Variants in IGF1R observed in about 807,000 individuals in gnomAD.
IGF1R encodes insulin-like growth factor 1 receptor.
IGF1R carries 44 observed loss-of-function variants against 144.6 expected under a neutral mutation model. The ratio of observed to expected loss-of-function variants is 0.30; its 90% CI spans 0.24 to 0.39. The LOEUF (loss-of-function observed/expected upper bound fraction) is 0.39, where lower values mean the gene tolerates loss of function less well. Among genes scored for constraint, IGF1R ranks in the 10% least tolerant of loss-of-function variants. The probability of loss-of-function intolerance (pLI) is 1.00; values close to 1 mark genes in which losing one functional copy is unlikely to be tolerated. For missense variants in IGF1R, 1,355 were observed against 1,833.7 expected, an observed-to-expected ratio of 0.74 and a Z score of 4.77; for synonymous variants, 795 against 722.8, an observed-to-expected ratio of 1.10 and a Z score of -1.60.
At chr15:98,819,425 T>C (rs2056762182) in intron 2 of IGF1R, among the ~76,000 whole-genome samples, 1 of 152,158 alleles carries the variant, frequency 6.6e-6, no homozygotes, top group African/African-American at 2.4e-5. Context: ...GTGGGGGACC[T>C]TTATGAATGA....
At chr15:98,886,886 G>A (rs1444825576) in intron 2 of IGF1R, among the ~76,000 whole-genome samples, 2 of 152,138 alleles carry the variant, frequency 1.3e-5, no homozygotes, top group African/African-American at 4.8e-5. Flanking sequence ...TTCAGGTTGT[G>A]CTTCAGTGAG....
chr15:98,792,313 A>G (rs186728404), intron 2 of IGF1R, among the ~76,000 whole-genome samples: 20 of 152,326 alleles, frequency 1.3e-4, no homozygotes, highest in African/African-American at 4.3e-4. Context: ...ACACCCAAAT[A>G]CATAACCATT....
chr15:98,955,302 A>C (rs1387351887), intron 20 of IGF1R, among the ~76,000 whole-genome samples: 4 of 152,216 alleles, frequency 2.6e-5, no homozygotes, highest in South Asian at 2.1e-4. Context: ...CAAATCTAAG[A>C]AGCATACTGT....
chr15:98,750,210 C>T (rs1555439945), intron 2 of IGF1R, among the ~76,000 whole-genome samples: 1 of 152,136 alleles, frequency 6.6e-6, no homozygotes, highest in Non-Finnish European at 1.5e-5. Context: ...GGCCTCACAT[C>T]AGGTGACACT....
Position 98,707,651 on chromosome 15 carries a change from C to A in IGF1R, c.184C>A (p.Leu62Met). The A allele has an allele frequency of 6.2e-7, 1 of 1,614,192 alleles. No homozygotes were observed. The highest frequency in any genetic ancestry group is 8.5e-7 in the Non-Finnish European group (1 of 1,180,018). Residue 62 changes from leucine (L) to methionine (M), a missense_variant, in exon 2 of 21, where the codon CTG becomes ATG. Leu to Met is a conservative substitution (Grantham distance 15, BLOSUM62 2). Transcript: ENST00000650285. This position sits in a 1 kb window ranked among gnomAD's most constrained non-coding sequence, Gnocchi z 6.7. ...CTVIEGYLHI[L>M]LISKAEDYRS... ...GGTGATCGAGGGCTACCTCCACATC[C>A]TGCTCATCTCCAAGGCCGAGGACTA...
chr15:98,843,488 G>A (rs947288441), intron 2 of IGF1R, among the ~76,000 whole-genome samples: 8 of 152,058 alleles, frequency 5.3e-5, no homozygotes, highest in South Asian at 2.1e-4. Context: ...CACTGAAAAC[G>A]AAATTTCATA....
intron 2 of IGF1R, among the ~76,000 whole-genome samples, chr15:98,796,000 C>T (rs2056233245): frequency 6.6e-6 from 1 of 152,232 alleles, no homozygotes; most frequent in African/African-American, 2.4e-5. Flanking sequence ...TGGCGTGTTC[C>T]TCTGGAGTGT....
chr15:98,940,426 A>G (rs1394194486), intron 18 of IGF1R, among the ~76,000 whole-genome samples: 1 of 152,188 alleles, frequency 6.6e-6, no homozygotes. Context: ...TTTTTGAGAC[A>G]GAGTTTTGCT....
intron 2 of IGF1R, among the ~76,000 whole-genome samples, chr15:98,876,633 C>T (rs1181338785): frequency 6.6e-6 from 1 of 152,266 alleles, no homozygotes; most frequent in Admixed American, 6.5e-5. Flanking sequence ...GTAATCTTTG[C>T]GAGAACATTC....
chr15:98,754,735 A>G (rs1240281319), intron 2 of IGF1R, among the ~76,000 whole-genome samples: 2 of 152,232 alleles, frequency 1.3e-5, no homozygotes, highest in African/African-American at 4.8e-5. Context: ...ACTGATTTGC[A>G]GGTTAGGTGT....
At chr15:98,866,977 T>A (rs2012483999) in intron 2 of IGF1R, among the ~76,000 whole-genome samples, 1 of 152,220 alleles carries the variant, frequency 6.6e-6, no homozygotes, top group Non-Finnish European at 1.5e-5. Flanking sequence ...GCTACACTTT[T>A]TTAAATTCAT....
rs1187732464 is a variant in IGF1R at position 98,755,736 on chromosome 15, AAAAAAAAAAAAAAAAAAG to A, written c.640+47630_640+47647del. Among the ~76,000 whole-genome samples, 12 of 138,214 alleles carry A rather than the reference AAAAAAAAAAAAAAAAAAG, an allele frequency of 8.7e-5. 2 individuals carry two copies. Among genetic ancestry groups the A allele is most frequent in the South Asian group, 2.4e-4 (1 of 4,162 alleles). The allele number at this position is 138,214 out of a possible 152,430, so 90.7% of individuals were successfully genotyped here. The stretch of plus-strand genomic sequence containing the variant: ...TCCATTGCAAAAAAAAAAAAAAAAA[AAAAAAAAAAAAAAAAAAG>A]GCATTACTGCCTTGTTCCTGATTTA... On this transcript the variant is annotated intron_variant, in intron 2 of 20. Coordinates refer to ENST00000650285, the MANE Select transcript of IGF1R (RefSeq NM_000875.5).
intron 1 of IGF1R, among the ~76,000 whole-genome samples, chr15:98,652,702 G>A (rs11247359): frequency 0.014 from 2,141 of 152,240 alleles, 40 homozygotes; most frequent in African/African-American, 0.049. Context: ...GAAATGTCTA[G>A]AATAAACAAA....
chr15:98,913,397 G>T, intron 8 of IGF1R, 115 bp downstream of exon 8: 1 of 832,658 alleles, frequency 1.2e-6, no homozygotes. Flanking sequence ...TGTCTTTCTT[G>T]TCAATAGGTA....
chr15:98,768,590 GGGT>G (rs1443008696), intron 2 of IGF1R, among the ~76,000 whole-genome samples: 1 of 140,496 alleles, frequency 7.1e-6, no homozygotes, highest in East Asian at 2.1e-4. Flanking sequence ...ACTCCAGCCT[GGGT>G]GACAAAGCGA....
intron 2 of IGF1R, among the ~76,000 whole-genome samples, chr15:98,887,676 G>A (rs1039621836): frequency 6.6e-6 from 1 of 152,158 alleles, no homozygotes; most frequent in African/African-American, 2.4e-5. Flanking sequence ...GCTGGCACAC[G>A]CCTGACGAGC....
chr15:98,873,053 C>G (rs975871657), intron 2 of IGF1R, among the ~76,000 whole-genome samples: 5 of 152,134 alleles, frequency 3.3e-5, no homozygotes, highest in African/African-American at 1.2e-4. Flanking sequence ...GTCCTCCTCC[C>G]TGAAGGCAAG....
intron 1 of IGF1R, among the ~76,000 whole-genome samples, chr15:98,700,276 C>T (rs2053694905): frequency 6.6e-6 from 1 of 152,132 alleles, no homozygotes; most frequent in African/African-American, 2.4e-5. Flanking sequence ...CATTTTTCTT[C>T]TGCTTTGCTT....
intron 2 of IGF1R, among the ~76,000 whole-genome samples, chr15:98,736,951 C>T (rs886727611): frequency 6.6e-6 from 1 of 152,080 alleles, no homozygotes; most frequent in African/African-American, 2.4e-5. Context: ...TTCACCACAC[C>T]CCAACATGGT....
Sources: gnomAD v4.1 joint callset for allele counts (sites outside exome capture counted in the v4.1 genomes callset) on GRCh38, gnomAD v4.1.1 for gene constraint, Gnocchi (gnomAD v3.1) non-coding constraint, MANE v1.5 for transcripts, NCBI Gene and HGNC (gene_info 2026-07-23, HGNC 2026-07-21) for gene names.